PATJ: variants seen among roughly 807,000 people sequenced by gnomAD.
PATJ encodes the protein PATJ crumbs cell polarity complex component.
Under a neutral mutation model 224.9 loss-of-function variants are expected in PATJ, and 190 were observed. The ratio of observed to expected loss-of-function variants is 0.84; its 90% CI spans 0.75 to 0.95. PATJ has a LOEUF of 0.95. Ranked by LOEUF, PATJ falls within the 40% of genes least tolerant of loss-of-function variation. The pLI, the probability that PATJ is intolerant of heterozygous loss-of-function variation, is 0.00. For synonymous variants in PATJ, 769 were observed against 820.3 expected (o/e 0.94, Z 1.07); for missense variants, 2,121 against 2,270.3 (o/e 0.93, Z 1.34).
chr1:61,981,232 G>T (rs1644432457), intron 27 of PATJ, among the ~76,000 whole-genome samples: 1 of 151,946 alleles, frequency 6.6e-6, no homozygotes, highest in Admixed American at 6.6e-5. Context: ...TGAGTGCACT[G>T]CATGAGAGAT....
Position 62,117,178 on chromosome 1 carries a change from G to T in PATJ, c.4850G>T (p.Gly1617Val). ...VQLEIGRLRA[G>V]SWTSARTTSQ... ...CTAGAGATTGGAAGACTCCGAGCTGGTTCCTGGACCTCCGCAAGGACGACA... is the reference window on the plus strand; with the variant it reads ...CTAGAGATTGGAAGACTCCGAGCTGTTTCCTGGACCTCCGCAAGGACGACA... The change falls in exon 37 of 44, where the codon GGT (glycine) becomes GTT (valine). Residue 1617 changes from glycine to valine, a missense_variant. Gly to Val is a moderately radical substitution (Grantham distance 109). Coordinates refer to ENST00000642238, the MANE Select transcript of PATJ (RefSeq NM_001350145.3). The T allele has an allele frequency of 6.2e-7, 1 of 1,614,090 alleles. No homozygotes were observed. Among genetic ancestry groups the T allele is most frequent in the Middle Eastern group, 1.6e-4 (1 of 6,062 alleles).
intron 15 of PATJ, among the ~76,000 whole-genome samples, chr1:61,826,063 C>T (rs1443875971): frequency 4.6e-5 from 7 of 152,206 alleles, no homozygotes; most frequent in Non-Finnish European, 8.8e-5. Flanking sequence ...TCGCCTAGAC[C>T]TCTTCATTTG....
At chr1:61,939,372 A>AC (rs748629463) in intron 27 of PATJ, among the ~76,000 whole-genome samples, 2 of 150,812 alleles carry the variant, frequency 1.3e-5, no homozygotes, top group Non-Finnish European at 3.0e-5. Context: ...ACACACACAC[A>AC]CATATATATA....
chr1:61,880,518 T>G (rs1667947563), intron 21 of PATJ, among the ~76,000 whole-genome samples: 1 of 152,078 alleles, frequency 6.6e-6, no homozygotes, highest in African/African-American at 2.4e-5. Context: ...CATTAGAACT[T>G]TTTTTCTTTG....
chr1:61,932,673 G>T (rs1676211271), intron 27 of PATJ, among the ~76,000 whole-genome samples: 2 of 152,210 alleles, frequency 1.3e-5, no homozygotes, highest in Admixed American at 1.3e-4. Flanking sequence ...GCCGAGGTGG[G>T]TGGATCACCT....
chr1:62,142,895 C>G (rs1667644343), intron 41 of PATJ, among the ~76,000 whole-genome samples: 1 of 152,182 alleles, frequency 6.6e-6, no homozygotes, highest in African/African-American at 2.4e-5. Context: ...GAATTTTATT[C>G]CAAGTCCAAA....
intron 26 of PATJ, among the ~76,000 whole-genome samples, chr1:61,915,733 A>T (rs1004519719): frequency 2.0e-5 from 3 of 149,294 alleles, no homozygotes; most frequent in Non-Finnish European, 4.4e-5. Context: ...AGTCTTGCTC[A>T]GTCGCCAGGC....
At chr1:61,743,632 T>C (rs555449231) in intron 1 of PATJ, among the ~76,000 whole-genome samples, 1 of 152,354 alleles carries the variant, frequency 6.6e-6, no homozygotes, top group East Asian at 1.9e-4. Flanking sequence ...TGCACACATC[T>C]ATTTGAAAGG....
chr1:61,766,230 A>G, intron 3 of PATJ, 49 bp from the exon 4 acceptor site: 1 of 1,288,746 alleles, frequency 7.8e-7, no homozygotes, highest in Non-Finnish European at 1.1e-6. Flanking sequence ...ATAAATAGAA[A>G]CAATTTTTCT....
At chr1:61,892,414 T>TA (rs142709871) in intron 22 of PATJ, among the ~76,000 whole-genome samples, 8,045 of 152,250 alleles carry the variant, frequency 0.053, 251 homozygotes, top group African/African-American at 0.067. Context: ...TTTTGTATGA[T>TA]GAACATTTTA....
chr1:62,028,061 C>T (rs1648368581), intron 29 of PATJ, among the ~76,000 whole-genome samples: 1 of 152,120 alleles, frequency 6.6e-6, no homozygotes, highest in Non-Finnish European at 1.5e-5. Flanking sequence ...ATTGTCAAAT[C>T]CAATGTCACA....
chr1:61,982,227 C>G (rs7542663), intron 27 of PATJ, among the ~76,000 whole-genome samples: 6,618 of 152,050 alleles, frequency 0.044, 393 homozygotes, highest in African/African-American at 0.12. Flanking sequence ...GTGTAAAATA[C>G]TCAGTCTGCT....
intron 18 of PATJ, among the ~76,000 whole-genome samples, chr1:61,860,278 CT>C (rs1343792261): frequency 6.6e-6 from 1 of 151,922 alleles, no homozygotes; most frequent in African/African-American, 2.4e-5. Context: ...CCAGGCTGGT[CT>C]TGAACTCCTG....
intron 14 of PATJ, among the ~76,000 whole-genome samples, chr1:61,813,378 T>TATACACAC (rs1376176032): frequency 2.2e-5 from 1 of 46,356 alleles, no homozygotes; most frequent in African/African-American, 7.3e-5. Flanking sequence ...TATATATATA[T>TATACACAC]ACACACACAC....
chr1:61,801,045 T>C (rs973125165), intron 11 of PATJ, among the ~76,000 whole-genome samples: 2 of 152,240 alleles, frequency 1.3e-5, no homozygotes, highest in Non-Finnish European at 2.9e-5. Context: ...AACATACATG[T>C]GCATGTGTCT....
intron 27 of PATJ, among the ~76,000 whole-genome samples, chr1:61,942,473 A>C (rs1465905331): frequency 6.6e-6 from 1 of 152,126 alleles, no homozygotes; most frequent in Non-Finnish European, 1.5e-5. Flanking sequence ...AAAATGATAG[A>C]CAGTACAACT....
intron 8 of PATJ, among the ~76,000 whole-genome samples, chr1:61,790,739 C>T (rs923897151): frequency 6.6e-6 from 1 of 151,972 alleles, no homozygotes; most frequent in African/African-American, 2.4e-5. Flanking sequence ...GTCTCCAACT[C>T]CTGACCTCAG....
chr1:62,128,142 G>A (rs1665917946), intron 40 of PATJ, 48 bp downstream of exon 40: 2 of 1,611,172 alleles, frequency 1.2e-6, no homozygotes, highest in African/African-American at 2.7e-5. Context: ...GTTGGGGTGG[G>A]AGAGGAAGTT....
rs760730885 is a variant in PATJ at position 61,775,293 on chromosome 1, G to A, written c.808G>A (p.Val270Met). 1.1e-5 allele frequency: 18 copies of A among 1,613,830 alleles called. No homozygotes were observed. The highest frequency in any genetic ancestry group is 4.0e-5 in the African/African-American group (3 of 74,936). Residue 270 changes from valine (V) to methionine (M), a missense_variant, in exon 7 of 44, where the codon GTG becomes ATG. Coordinates refer to ENST00000642238, the MANE Select transcript of PATJ (RefSeq NM_001350145.3). ...AATAGTTGGAGGAAAAACAAGTGGCGTGGTTGTGAGGACTATAGTTCCTGG... is the reference window on the plus strand; with the variant it reads ...AATAGTTGGAGGAAAAACAAGTGGCATGGTTGTGAGGACTATAGTTCCTGG... ...FGIVGGKTSG[V>M]VVRTIVPGGL...
Sources: allele counts gnomAD v4.1 joint callset (sites outside exome capture counted in the v4.1 genomes callset), GRCh38; gene constraint gnomAD v4.1.1; transcripts MANE v1.5; gene names NCBI Gene and HGNC (gene_info 2026-07-23, HGNC 2026-07-21).